SOS1: variants seen among roughly 807,000 people sequenced by gnomAD.
SOS1 encodes the protein SOS Ras/Rac guanine nucleotide exchange factor 1.
Under a neutral mutation model 157.6 loss-of-function variants are expected in SOS1, and 25 were observed. The observed-to-expected ratio is 0.16, with a 90% confidence interval of 0.12 to 0.22. The LOEUF (loss-of-function observed/expected upper bound fraction) is 0.22. Ranked by LOEUF, SOS1 falls within the 10% of genes least tolerant of loss-of-function variation. The pLI, the probability that SOS1 is intolerant of heterozygous loss-of-function variation, is 1.00. For missense variants in SOS1, 1,237 were observed against 1,599.1 expected (o/e 0.77, Z 3.86); for synonymous variants, 528 against 534.0 (o/e 0.99, Z 0.16).
At chr2:39,099,790 G>A (rs1672898497) in intron 1 of SOS1, among the ~76,000 whole-genome samples, 1 of 152,162 alleles carries the variant, frequency 6.6e-6, no homozygotes, top group African/African-American at 2.4e-5. Context: ...CCAGGCTGGA[G>A]TGAAGTGGCA....
chr2:39,045,597 C>A (rs765962211), intron 6 of SOS1, among the ~76,000 whole-genome samples: 8 of 151,996 alleles, frequency 5.3e-5, no homozygotes, highest in Non-Finnish European at 8.8e-5. Context: ...TATTGTTATA[C>A]AGGTTTGATT....
At chr2:38,998,593 T>A (rs560921546) in intron 17 of SOS1, among the ~76,000 whole-genome samples, 1 of 152,302 alleles carries the variant, frequency 6.6e-6, no homozygotes, top group South Asian at 2.1e-4. Context: ...AGTCTCTCTG[T>A]GCCTCAGTTT....
chr2:39,071,323 C>T (rs555560776), intron 1 of SOS1, among the ~76,000 whole-genome samples: 5 of 152,248 alleles, frequency 3.3e-5, no homozygotes, highest in Non-Finnish European at 2.9e-5. Context: ...CCCTAGTGTA[C>T]GGAGTGGATG....
chr2:39,084,743 C>CATGTGTCAAGTGCTAAATTCAT (rs1558506130), intron 1 of SOS1, among the ~76,000 whole-genome samples: 1 of 152,150 alleles, frequency 6.6e-6, no homozygotes. Context: ...AAATTCCAAA[C>CATGTGTCAAGTGCTAAATTCAT]ATGTGTCAAG....
At chr2:39,065,147 A>G (rs1358543603) in intron 2 of SOS1, among the ~76,000 whole-genome samples, 1 of 151,912 alleles carries the variant, frequency 6.6e-6, no homozygotes, top group Non-Finnish European at 1.5e-5. Flanking sequence ...TGCTAAATTT[A>G]GGGCCCTTAT....
chr2:38,994,095 T>G (rs1668816561), intron 20 of SOS1, among the ~76,000 whole-genome samples: 1 of 152,204 alleles, frequency 6.6e-6, no homozygotes, highest in African/African-American at 2.4e-5. Flanking sequence ...TGAACTGAGA[T>G]GTGCTGTAAG....
At chr2:39,030,287 G>T (rs1467590359) in intron 8 of SOS1, among the ~76,000 whole-genome samples, 1 of 151,062 alleles carries the variant, frequency 6.6e-6, no homozygotes, top group African/African-American at 2.4e-5. Context: ...GAAAAGGCTG[G>T]GTGCATTGGC....
At chr2:39,099,503 A>C (rs1321734015) in intron 1 of SOS1, among the ~76,000 whole-genome samples, 3 of 152,194 alleles carry the variant, frequency 2.0e-5, no homozygotes, top group African/African-American at 7.2e-5. Context: ...AATGATTTAT[A>C]ATTGATTGTG....
At chr2:39,002,897 T>A (rs1394623173) in intron 17 of SOS1, among the ~76,000 whole-genome samples, 4 of 151,890 alleles carry the variant, frequency 2.6e-5, no homozygotes, top group Non-Finnish European at 5.9e-5. Flanking sequence ...AAACCCTGTA[T>A]CTACAAAAAA....
At chr2:39,050,997 C>A in intron 6 of SOS1, 147 bp downstream of exon 6, 2 of 759,798 alleles carry the variant, frequency 2.6e-6, no homozygotes, top group South Asian at 1.5e-5. Context: ...CATATGTTGA[C>A]AATGACCCTA....
intron 10 of SOS1, among the ~76,000 whole-genome samples, chr2:39,018,026 T>G (rs1669681559): frequency 6.6e-6 from 1 of 151,876 alleles, no homozygotes; most frequent in Non-Finnish European, 1.5e-5. Flanking sequence ...AAAAGCTAAG[T>G]TTTATACTGC....
At chr2:39,090,135 G>A (rs1672536984) in intron 1 of SOS1, among the ~76,000 whole-genome samples, 1 of 53,874 alleles carries the variant, frequency 1.9e-5, no homozygotes, top group South Asian at 5.9e-4. Context: ...GTGAGACCCT[G>A]TCTCAAAAAA....
At chr2:39,022,410 A>T in intron 10 of SOS1, 160 bp downstream of exon 10, 1 of 649,668 alleles carries the variant, frequency 1.5e-6, no homozygotes, top group Non-Finnish European at 2.7e-6. Context: ...AGAAAAAGTA[A>T]AACATTCCAA....
In SOS1 at chr2:39,056,920, C is replaced by A. The variant is rs967580838; in HGVS notation, c.346-54G>T. 4.9e-6 allele frequency: 6 copies of A among 1,233,676 alleles called. No individual in the cohort carries two copies. The African/African-American group carries it at 6.0e-5, about 12-fold the overall frequency. The allele number at this position is 1,233,676 out of a possible 1,614,324, so 76.4% of individuals were successfully genotyped here. On this transcript the variant is annotated intron_variant, in intron 3 of 22. Coordinates refer to ENST00000402219, the MANE Select transcript of SOS1 (RefSeq NM_005633.4). Reference sequence around the variant, plus strand: ...AACATCATATACTGTACATTTAACACACTGATTAAAAATAAAAAACATATT... The same window carrying A: ...AACATCATATACTGTACATTTAACAAACTGATTAAAAATAAAAAACATATT...
At chr2:38,988,097 G>C (rs1668607482) in intron 21 of SOS1, among the ~76,000 whole-genome samples, 1 of 152,160 alleles carries the variant, frequency 6.6e-6, no homozygotes, top group Admixed American at 6.5e-5. Flanking sequence ...GCAAGGGAAA[G>C]AATCATAGTG....
intron 1 of SOS1, among the ~76,000 whole-genome samples, chr2:39,086,481 G>C (rs1425203595): frequency 2.0e-5 from 3 of 152,138 alleles, no homozygotes; most frequent in African/African-American, 7.2e-5. Flanking sequence ...TTAGCAAATA[G>C]GCAGTTTAAC....
intron 1 of SOS1, among the ~76,000 whole-genome samples, chr2:39,095,839 T>C (rs776790553): frequency 6.6e-6 from 1 of 152,216 alleles, no homozygotes; most frequent in Non-Finnish European, 1.5e-5. Context: ...GTTGGGTGTG[T>C]AGAAGTCTAG....
chr2:39,123,134 T>C (rs528837748), upstream of SOS1, among the ~76,000 whole-genome samples: 7 of 152,286 alleles, frequency 4.6e-5, no homozygotes, highest in Non-Finnish European at 8.8e-5. Context: ...TGTTCTTCTC[T>C]CAGCCTAGAA....
chr2:39,087,610 TG>T (rs1279627653), intron 1 of SOS1, among the ~76,000 whole-genome samples: 1 of 152,210 alleles, frequency 6.6e-6, no homozygotes, highest in Non-Finnish European at 1.5e-5. Flanking sequence ...CGCCTGAAAA[TG>T]GCAATTATCA....
Sources: gnomAD v4.1 joint callset for allele counts (sites outside exome capture counted in the v4.1 genomes callset) on GRCh38, gnomAD v4.1.1 for gene constraint, MANE v1.5 for transcripts, NCBI Gene and HGNC (gene_info 2026-07-23, HGNC 2026-07-21) for gene names.